The following POLR3A variants were observed in gnomAD, a reference collection of about 807,000 sequenced individuals.
POLR3A encodes the protein DNA-directed RNA polymerase III subunit RPC1.
Under a neutral mutation model 152.8 loss-of-function variants are expected in POLR3A, and 112 were observed. That is an observed-to-expected ratio of 0.73 (90% CI 0.63 to 0.86). The LOEUF (loss-of-function observed/expected upper bound fraction) is 0.86, where lower values mean the gene tolerates loss of function less well. Among genes scored for constraint, POLR3A ranks in the 40% least tolerant of loss-of-function variants. The pLI is 0.00. For synonymous variants in POLR3A, 615 were observed against 652.1 expected (o/e 0.94, Z 0.87); for missense variants, 1,385 against 1,743.1 (o/e 0.79, Z 3.66).
At chr10:78,004,642 C>A in intron 16 of POLR3A, 74 bp downstream of exon 16, 2 of 1,242,024 alleles carry the variant, frequency 1.6e-6, no homozygotes, top group Admixed American at 1.9e-5. Flanking sequence ...CATGGCTCAG[C>A]ACAACCCCAG....
chr10:77,999,853 T>G (rs1053695482), intron 19 of POLR3A, 128 bp downstream of exon 19: 6 of 928,374 alleles, frequency 6.5e-6, no homozygotes, highest in Non-Finnish European at 1.0e-5. Context: ...CTTTCTACAT[T>G]TTTTCCTTTT....
chr10:77,998,653 A>G (rs563544878), intron 19 of POLR3A, among the ~76,000 whole-genome samples: 124 of 152,342 alleles, frequency 8.1e-4, no homozygotes, highest in Middle Eastern at 3.4e-3. Context: ...AGGAAACAAC[A>G]GGAGCTGGAG....
At chr10:78,005,211 T>G (rs1355770295) in intron 15 of POLR3A, among the ~76,000 whole-genome samples, 1 of 152,220 alleles carries the variant, frequency 6.6e-6, no homozygotes, top group Non-Finnish European at 1.5e-5. Context: ...AAGGGTGGCC[T>G]GAGGGCTGGG....
At position 78,004,845 on chromosome 10, in the gene POLR3A, G is replaced by A; in HGVS notation, c.2118C>T (p.Gly706=). The A allele has an allele frequency of 6.2e-7, 1 of 1,614,086 alleles. No individual in the cohort carries two copies. The highest frequency in any genetic ancestry group is 8.5e-7 in the Non-Finnish European group (1 of 1,179,972). ...CATACTTGGCCTTCAGCAGTCCTTGGCCAGGTGTGACATCACCGATCCCAA... is the reference window on the plus strand; with the variant it reads ...CATACTTGGCCTTCAGCAGTCCTTGACCAGGTGTGACATCACCGATCCCAA... ...FSIGIGDVTP[G]QGLLKAKYEL... is the part of the protein sequence containing the mutation. The change falls in exon 16 of 31, where the codon GGC becomes GGT. Residue 706 remains glycine, a synonymous_variant. Transcript: ENST00000372371.
At chr10:77,989,599 A>G (rs1847228492) in intron 21 of POLR3A, among the ~76,000 whole-genome samples, 1 of 152,196 alleles carries the variant, frequency 6.6e-6, no homozygotes, top group Non-Finnish European at 1.5e-5. Flanking sequence ...TTTCAAGGGC[A>G]AGAAAGGAAC....
In POLR3A at chr10:78,010,221, G is replaced by T. The variant is rs187169637; in HGVS notation, c.1643-230C>A. Among the ~76,000 whole-genome samples the T allele has an allele frequency of 1.1e-3, 173 of 151,366 alleles. 1 individual carries two copies. The highest frequency in any genetic ancestry group is 3.9e-3 in the African/African-American group (162 of 41,236). ...GGGACAGATTCTAAGCCAGACACTA[G>T]GTTTAGAAAATGCCCAGTCCATGAG... is the stretch of plus-strand genomic sequence containing the variant. On this transcript the variant is annotated intron_variant, in intron 12 of 30. Coordinates refer to ENST00000372371, the MANE Select transcript of POLR3A (RefSeq NM_007055.4).
At chr10:78,027,143 A>G (rs1220617744) in intron 1 of POLR3A, among the ~76,000 whole-genome samples, 3 of 152,234 alleles carry the variant, frequency 2.0e-5, no homozygotes, top group African/African-American at 7.2e-5. Context: ...CATGGTCAGA[A>G]AGCCTCACTG....
chr10:77,997,414 C>T (rs1298233677), intron 19 of POLR3A, among the ~76,000 whole-genome samples: 8 of 152,170 alleles, frequency 5.3e-5, no homozygotes, highest in South Asian at 4.1e-4. Context: ...AAAACCCAAT[C>T]GTTTCAGCCC....
chr10:77,986,863 G>A (rs888908593), intron 21 of POLR3A, among the ~76,000 whole-genome samples: 3 of 152,176 alleles, frequency 2.0e-5, no homozygotes, highest in African/African-American at 7.2e-5. Flanking sequence ...AGCCCCGGGA[G>A]GATGACCAAG....
In POLR3A at chr10:77,986,068, A is replaced by T; in HGVS notation, c.2988+5T>A. The T allele has an allele frequency of 6.3e-7, 1 of 1,586,656 alleles. No homozygotes were observed. The highest frequency in any genetic ancestry group is 8.7e-7 in the Non-Finnish European group (1 of 1,155,056). On this transcript the variant is annotated splice_donor_5th_base_variant and intron_variant, in intron 22 of 30. Transcript: ENST00000372371. ...GGGTTCTAACGCGTCTTGGAGGGAT[A>T]TTACCTCTGTTGTGCCGTTATCATT...
intron 21 of POLR3A, among the ~76,000 whole-genome samples, chr10:77,990,608 C>T (rs2131934974): frequency 6.6e-6 from 1 of 151,194 alleles, no homozygotes; most frequent in Admixed American, 6.6e-5. Context: ...TTTTGAATGA[C>T]TGCCTGTCAT....
At chr10:78,014,389 A>C (rs1847497868) in intron 10 of POLR3A, among the ~76,000 whole-genome samples, 1 of 152,118 alleles carries the variant, frequency 6.6e-6, no homozygotes, top group South Asian at 2.1e-4. Flanking sequence ...AAAAAACCCC[A>C]ATCAATCTAG....
intron 1 of POLR3A, among the ~76,000 whole-genome samples, chr10:78,027,474 A>G (rs1413183695): frequency 5.3e-5 from 8 of 152,210 alleles, no homozygotes; most frequent in Non-Finnish European, 7.3e-5. Context: ...CCTGGCTAAC[A>G]TGGTGAAACC....
intron 20 of POLR3A, among the ~76,000 whole-genome samples, chr10:77,992,878 A>T (rs1416018515): frequency 6.6e-6 from 1 of 150,958 alleles, no homozygotes; most frequent in African/African-American, 2.4e-5. Context: ...AAAAAAAGCA[A>T]AACTTTTTTC....
chr10:78,025,951 G>A lies in POLR3A; in HGVS notation c.180+143C>T, dbSNP rs967557483. The A allele has an allele frequency of 8.3e-6, 10 of 1,203,402 alleles. No homozygotes were observed. In the African/African-American group the frequency reaches 1.4e-4, roughly 16 times the overall value. 74.5% of individuals were successfully genotyped at this position (1,203,402 alleles called of 1,614,324 possible). The stretch of plus-strand genomic sequence containing the variant: ...GAATCGAATCAGGTTGCTGACTAAA[G>A]GCCGGAGTTCTTGACCTAGTCTAAT... On this transcript the variant is annotated intron_variant, in intron 2 of 30. Transcript: ENST00000372371.
chr10:77,982,858 TG>T (rs1453556289), intron 26 of POLR3A, 41 bp from the exon 27 acceptor site: 1 of 1,600,168 alleles, frequency 6.2e-7, no homozygotes, highest in Non-Finnish European at 8.6e-7. Flanking sequence ...ATTCCAGTGT[TG>T]TTCTTCGTTT....
At chr10:77,991,719 T>C (rs1847250369) in intron 20 of POLR3A, among the ~76,000 whole-genome samples, 1 of 152,130 alleles carries the variant, frequency 6.6e-6, no homozygotes, top group Non-Finnish European at 1.5e-5. Flanking sequence ...GAGACGGGGT[T>C]TCACCATGTT....
chr10:77,982,903 G>T, intron 26 of POLR3A, 86 bp from the exon 27 acceptor site: 2 of 1,320,800 alleles, frequency 1.5e-6, no homozygotes, highest in Non-Finnish European at 2.2e-6. Context: ...AGTCCTTTTA[G>T]TCAGGTTTGT....
chr10:77,994,852 A>G (rs1396673146), intron 19 of POLR3A, among the ~76,000 whole-genome samples: 4 of 152,154 alleles, frequency 2.6e-5, no homozygotes, highest in African/African-American at 9.7e-5. Flanking sequence ...TCCAAGACAC[A>G]TAATTGTCAG....
Sources: allele counts gnomAD v4.1 joint callset (sites outside exome capture counted in the v4.1 genomes callset), GRCh38; gene constraint gnomAD v4.1.1; transcripts MANE v1.5; gene names NCBI Gene and HGNC (gene_info 2026-07-23, HGNC 2026-07-21).